The following STOX1 variants were observed in gnomAD, a reference collection of about 807,000 sequenced individuals.
STOX1 encodes the protein storkhead-box protein 1.
Under a neutral mutation model 74.8 loss-of-function variants are expected in STOX1, and 57 were observed. The observed-to-expected ratio is 0.76, with a 90% CI of 0.62 to 0.95. The LOEUF is 0.95. STOX1 is among the 40% of genes least tolerant of loss of function. The pLI, the probability that STOX1 is intolerant of heterozygous loss-of-function variation, is 0.00. For missense variants in STOX1, 1,010 were observed against 1,117.0 expected (o/e 0.90, Z 1.37); for synonymous variants, 375 against 401.3 (o/e 0.93, Z 0.78).
At position 68,884,914 on chromosome 10, in the gene STOX1, A is replaced by G. The variant is rs1415384202; in HGVS notation, c.1118A>G (p.Asn373Ser). ...KRINPILTVDNLIKHTVLMQK... is the reference protein window; with the variant it reads ...KRINPILTVDSLIKHTVLMQK... ...ATTAACCCCATTTTGACTGTTGACA[A>G]TTTAATCAAACACACTGTCCTAATG... Residue 373 changes from asparagine to serine, a missense_variant, in exon 3 of 4, where the codon AAT (asparagine) becomes AGT (serine). Physicochemically the swap from Asn to Ser is conservative, Grantham distance 46 (BLOSUM62 1). Coordinates refer to ENST00000298596, the MANE Select transcript of STOX1 (RefSeq NM_152709.5). 2.5e-6 allele frequency: 4 copies of G among 1,614,046 alleles called. No homozygotes were observed. The highest frequency in any genetic ancestry group is 1.3e-5 in the African/African-American group (1 of 74,912).
chr10:68,854,709 T>C lies in STOX1; in HGVS notation c.310+26776T>C, dbSNP rs527946128. 1.3e-4 allele frequency among the ~76,000 whole-genome samples: 20 copies of C among 152,252 alleles called. No individual in the cohort carries two copies. The South Asian group carries it at 4.1e-3, about 32-fold the overall frequency. ...TTTTCTCAAAGACTTGAACCACCTC[T>C]AGGTATAAGCCAGTGTTTTTTACCA... is the stretch of plus-strand genomic sequence containing the variant. On this transcript the variant is annotated intron_variant, in intron 1 of 3. Transcript: ENST00000298596.
At chr10:68,868,505 G>A (rs192903402) in intron 1 of STOX1, among the ~76,000 whole-genome samples, 4 of 152,280 alleles carry the variant, frequency 2.6e-5, no homozygotes, top group Admixed American at 6.5e-5. Flanking sequence ...AACCTCCAGC[G>A]TGAGCATCAT....
intron 1 of STOX1, among the ~76,000 whole-genome samples, chr10:68,856,992 G>A (rs1207544246): frequency 6.6e-6 from 1 of 152,050 alleles, no homozygotes; most frequent in Non-Finnish European, 1.5e-5. Context: ...ACAGGCCCTT[G>A]TCTGTCTCTT....
At chr10:68,853,248 A>G (rs1840034504) in intron 1 of STOX1, among the ~76,000 whole-genome samples, 1 of 152,024 alleles carries the variant, frequency 6.6e-6, no homozygotes, top group Non-Finnish European at 1.5e-5. Flanking sequence ...TAATGTGATC[A>G]GCAGGTGCTA....
At chr10:68,883,038 G>A (rs1840848477) in intron 2 of STOX1, among the ~76,000 whole-genome samples, 1 of 152,084 alleles carries the variant, frequency 6.6e-6, no homozygotes, top group African/African-American at 2.4e-5. Context: ...GGGACCACAG[G>A]TGCGCACCAC....
In STOX1 at chr10:68,886,416, A is replaced by G. The variant is rs756873287; in HGVS notation, c.2620A>G (p.Ile874Val). The change falls in exon 3 of 4, where the codon ATT becomes GTT. Residue 874 changes from isoleucine to valine, a missense_variant. Physicochemically the swap from Ile to Val is conservative, Grantham distance 29 (BLOSUM62 3). Coordinates refer to ENST00000298596, the MANE Select transcript of STOX1 (RefSeq NM_152709.5). ...TGAAGCTGAAGTCATACAAGACACT[A>G]TTGGTGACACAGGAAAGAAGCCAGC... ...SFEAEVIQDT[I>V]GDTGKKPASW... 5 of 1,613,948 alleles carry G rather than the reference A, an allele frequency of 3.1e-6. No homozygotes were observed. The highest frequency in any genetic ancestry group is 2.7e-5 in the African/African-American group (2 of 74,948).
intron 1 of STOX1, among the ~76,000 whole-genome samples, chr10:68,862,832 G>C (rs1840293272): frequency 6.6e-6 from 1 of 152,054 alleles, no homozygotes; most frequent in Non-Finnish European, 1.5e-5. Context: ...TGCCTATTCT[G>C]CAATGCAATC....
At chr10:68,862,596 C>T (rs375532783) in intron 1 of STOX1, among the ~76,000 whole-genome samples, 2 of 152,088 alleles carry the variant, frequency 1.3e-5, no homozygotes, top group African/African-American at 4.8e-5. Context: ...TTAGCTCCTA[C>T]AGCAGGCCAT....
chr10:68,885,905 A>G lies in STOX1; in HGVS notation c.2109A>G (p.Ala703=). The G allele has an allele frequency of 3.7e-6, 6 of 1,614,188 alleles. No homozygotes were observed. The highest frequency in any genetic ancestry group is 5.1e-6 in the Non-Finnish European group (6 of 1,180,016). The change falls in exon 3 of 4, where the codon GCA becomes GCG. Residue 703 remains alanine, a synonymous_variant. Coordinates refer to ENST00000298596, the MANE Select transcript of STOX1 (RefSeq NM_152709.5). ...ELLRKGFVQD[A]ETTSLENEQL... ...TGAGAAAAGGATTTGTCCAGGATGC[A>G]GAGACTACAAGCCTAGAAAATGAAC...
chr10:68,884,148 C>T (rs1840876247), intron 2 of STOX1, 112 bp from the exon 3 acceptor site: 1 of 946,068 alleles, frequency 1.1e-6, no homozygotes, highest in South Asian at 1.4e-5. Context: ...TATTATGTTA[C>T]AATCAGCTCT....
chr10:68,836,855 C>G (rs1266504787), intron 1 of STOX1, among the ~76,000 whole-genome samples: 1 of 152,198 alleles, frequency 6.6e-6, no homozygotes, highest in African/African-American at 2.4e-5. Context: ...GACAGAAGCT[C>G]ACATCAAAGT....
chr10:68,857,515 AAC>A (rs1564577139), intron 1 of STOX1, among the ~76,000 whole-genome samples: 1 of 152,034 alleles, frequency 6.6e-6, no homozygotes, highest in Non-Finnish European at 1.5e-5. Context: ...TTCAGATGTA[AAC>A]ACACGCTCAG....
At chr10:68,878,208 TATATC>T (rs1840726062) in intron 1 of STOX1, among the ~76,000 whole-genome samples, 1 of 152,176 alleles carries the variant, frequency 6.6e-6, no homozygotes, top group African/African-American at 2.4e-5. Context: ...CACATACAGT[TATATC>T]AAAGAAGCAT....
chr10:68,877,217 G>A (rs529141618), intron 1 of STOX1, among the ~76,000 whole-genome samples: 1 of 152,162 alleles, frequency 6.6e-6, no homozygotes, highest in African/African-American at 2.4e-5. Context: ...GGGGAAAAAA[G>A]GCAATTAGTC....
chr10:68,844,723 A>C (rs554922772), intron 1 of STOX1, among the ~76,000 whole-genome samples: 15 of 152,210 alleles, frequency 9.9e-5, no homozygotes, highest in African/African-American at 2.9e-4. Context: ...TGTGTTTTGC[A>C]AATGTTTTTT....
At chr10:68,864,166 C>T (rs780667731) in intron 1 of STOX1, among the ~76,000 whole-genome samples, 126 of 152,052 alleles carry the variant, frequency 8.3e-4, no homozygotes, top group Non-Finnish European at 1.5e-3. Context: ...CCTCGTGATC[C>T]GCCCGCCTCG....
chr10:68,833,741 C>T (rs983819462), intron 1 of STOX1, among the ~76,000 whole-genome samples: 5 of 152,154 alleles, frequency 3.3e-5, no homozygotes, highest in African/African-American at 9.7e-5. Context: ...GATTCCTAGG[C>T]GCCGGGCTAC....
At chr10:68,887,328 G>A (rs1406908959) in intron 3 of STOX1, among the ~76,000 whole-genome samples, 2 of 152,170 alleles carry the variant, frequency 1.3e-5, no homozygotes, top group Non-Finnish European at 2.9e-5. Context: ...TGTCACCCAG[G>A]CTGGAGTGCA....
intron 1 of STOX1, among the ~76,000 whole-genome samples, chr10:68,856,628 T>G (rs1840132733): frequency 6.6e-6 from 1 of 151,942 alleles, no homozygotes; most frequent in African/African-American, 2.4e-5. Context: ...GAACTAAGGA[T>G]TAGAGGAGAA....
Sources: gnomAD v4.1 joint callset for allele counts (sites outside exome capture counted in the v4.1 genomes callset) on GRCh38, gnomAD v4.1.1 for gene constraint, MANE v1.5 for transcripts, NCBI Gene and HGNC (gene_info 2026-07-23, HGNC 2026-07-21) for gene names.